The following TXNDC8 variants were observed in gnomAD, a reference collection of about 807,000 sequenced individuals.
The protein encoded by TXNDC8 is thioredoxin domain containing 8.
TXNDC8 carries 15 observed loss-of-function variants against 12.9 expected under a neutral mutation model. The observed-to-expected ratio is 1.16, with a 90% CI of 0.78 to 1.79. The LOEUF (loss-of-function observed/expected upper bound fraction) is 1.79. TXNDC8 is among the 40% of genes most tolerant of loss of function. The pLI is 0.00. For synonymous variants in TXNDC8, 40 were observed against 35.4 expected (o/e 1.13, Z -0.46); for missense variants, 128 against 113.2 (o/e 1.13, Z -0.59).
intron 1 of TXNDC8, among the ~76,000 whole-genome samples, chr9:110,336,488 C>A (rs1032507769): frequency 6.6e-6 from 1 of 152,220 alleles, no homozygotes; most frequent in African/African-American, 2.4e-5. Context: ...TGGGTGTGAG[C>A]TGGCCTAATT....
In TXNDC8 at chr9:110,326,222, G is replaced by A. The variant is rs757421109; in HGVS notation, c.148C>T (p.His50Tyr). ...TGAAATGTGGGTATTGTTTTGATGT[G>A]ACAAGTTTCAGCCAGCTCCTGGGAA... Residue 50 changes from histidine (H) to tyrosine (Y), a missense_variant, in exon 3 of 5, where the codon CAC (histidine) becomes TAC (tyrosine). Physicochemically the swap from His to Tyr is moderately conservative, Grantham distance 83. Transcript: ENST00000423740. 5.0e-6 allele frequency: 8 copies of A among 1,613,824 alleles called. No homozygotes were observed. The highest frequency in any genetic ancestry group is 6.8e-6 in the Non-Finnish European group (8 of 1,179,932).
chr9:110,337,432 C>T (rs1283314764), intron 1 of TXNDC8, among the ~76,000 whole-genome samples: 2 of 152,122 alleles, frequency 1.3e-5, no homozygotes, highest in South Asian at 2.1e-4. Context: ...TGTGGACTTC[C>T]TTACTTCCAT....
At chr9:110,305,594 C>A (rs1482353684) in intron 3 of TXNDC8, among the ~76,000 whole-genome samples, 1 of 130,296 alleles carries the variant, frequency 7.7e-6, no homozygotes, top group Admixed American at 7.6e-5. Context: ...TTCTTTCTTT[C>A]TTTCTTTCTT....
intron 3 of TXNDC8, chr9:110,323,898 C>G (rs1326341269): frequency 6.4e-7 from 1 of 1,550,742 alleles, no homozygotes. Context: ...AAGCAAAGTC[C>G]TGAAATTAGC....
At chr9:110,311,552 TA>T (rs2118737253) in intron 3 of TXNDC8, among the ~76,000 whole-genome samples, 1 of 129,448 alleles carries the variant, frequency 7.7e-6, no homozygotes, top group Non-Finnish European at 1.6e-5. Context: ...TATATATATA[TA>T]TATATCTCCA....
At chr9:110,312,636 G>T (rs111634852) in intron 3 of TXNDC8, among the ~76,000 whole-genome samples, 1 of 152,176 alleles carries the variant, frequency 6.6e-6, no homozygotes, top group Non-Finnish European at 1.5e-5. Context: ...TCTATGGAAC[G>T]AAGTTCCATC....
intron 2 of TXNDC8, 109 bp downstream of exon 2, chr9:110,334,107 T>C (rs1454965100): frequency 1.2e-6 from 1 of 804,992 alleles, no homozygotes; most frequent in African/African-American, 1.8e-5. Flanking sequence ...CAAAAATCTA[T>C]GGCTCCAGAA....
intron 1 of TXNDC8, among the ~76,000 whole-genome samples, chr9:110,334,824 A>G (rs1205686020): frequency 6.6e-6 from 1 of 152,174 alleles, no homozygotes; most frequent in Non-Finnish European, 1.5e-5. Flanking sequence ...GGGCCTAAAC[A>G]TGCATGACTA....
chr9:110,325,832 C>T (rs1266170208), intron 3 of TXNDC8, among the ~76,000 whole-genome samples: 1 of 152,112 alleles, frequency 6.6e-6, no homozygotes, highest in African/African-American at 2.4e-5. Flanking sequence ...AACTTGTATA[C>T]ATTTTTGTAA....
chr9:110,317,907 G>A (rs955965290), intron 3 of TXNDC8, among the ~76,000 whole-genome samples: 3 of 152,252 alleles, frequency 2.0e-5, no homozygotes, highest in African/African-American at 7.2e-5. Context: ...TGTTCCTTGT[G>A]TTGGTGATTG....
At chr9:110,305,071 C>T (rs1838380189) in intron 3 of TXNDC8, among the ~76,000 whole-genome samples, 1 of 146,414 alleles carries the variant, frequency 6.8e-6, no homozygotes, top group Non-Finnish European at 1.5e-5. Context: ...TCACTTGAAC[C>T]CAGGAGGTGG....
intron 1 of TXNDC8, among the ~76,000 whole-genome samples, 197 bp from the exon 2 acceptor site, chr9:110,334,517 T>A (rs1365657228): frequency 6.6e-6 from 1 of 152,168 alleles, no homozygotes; most frequent in East Asian, 1.9e-4. Context: ...GTGCTGGGAT[T>A]ACAGGTGTGA....
intron 3 of TXNDC8, among the ~76,000 whole-genome samples, chr9:110,315,487 C>T (rs966038159): frequency 2.0e-5 from 3 of 152,144 alleles, no homozygotes; most frequent in Non-Finnish European, 4.4e-5. Flanking sequence ...CTGGAGACAG[C>T]GGTCCCCTCC....
intron 1 of TXNDC8, among the ~76,000 whole-genome samples, chr9:110,334,583 A>G (rs1442381662): frequency 6.6e-6 from 1 of 152,156 alleles, no homozygotes; most frequent in Non-Finnish European, 1.5e-5. Flanking sequence ...GTACCATGCC[A>G]TTGTTCTCTA....
intron 3 of TXNDC8, among the ~76,000 whole-genome samples, chr9:110,318,602 A>G (rs1244652402): frequency 6.6e-6 from 1 of 152,176 alleles, no homozygotes; most frequent in Admixed American, 6.5e-5. Context: ...GCCAGGCATC[A>G]TGGCTGGCAC....
At chr9:110,307,799 C>G (rs1279834281) in intron 3 of TXNDC8, among the ~76,000 whole-genome samples, 1 of 152,172 alleles carries the variant, frequency 6.6e-6, no homozygotes, top group Non-Finnish European at 1.5e-5. Context: ...TTCAAGTTGT[C>G]CTGCCTTTCC....
chr9:110,303,601 A>G lies in TXNDC8; in HGVS notation c.*81T>C. ...TCAAAAATCTGTTCACAAATGCACA[A>G]AGGTGAAACATTTATTGATTCAAGT... is the stretch of plus-strand genomic sequence containing the variant. On this transcript the variant is annotated 3_prime_UTR_variant, in exon 5 of 5. Coordinates refer to ENST00000423740, the MANE Select transcript of TXNDC8 (RefSeq NM_001286946.2). The G allele has an allele frequency of 6.4e-7, 1 of 1,561,220 alleles. No homozygotes were observed. Among genetic ancestry groups the G allele is most frequent in the Non-Finnish European group, 8.7e-7 (1 of 1,149,208 alleles).
At chr9:110,306,212 C>T (rs141204634) in intron 3 of TXNDC8, among the ~76,000 whole-genome samples, 12 of 152,286 alleles carry the variant, frequency 7.9e-5, no homozygotes, top group Non-Finnish European at 1.8e-4. Context: ...GATGAGTGTT[C>T]TAGCTCTAGC....
At chr9:110,303,258 C>T (rs1316256210), downstream of TXNDC8, among the ~76,000 whole-genome samples, 1 of 152,184 alleles carries the variant, frequency 6.6e-6, no homozygotes, top group Non-Finnish European at 1.5e-5. Flanking sequence ...CAGGACCTCT[C>T]TTGTGAAGGT....
Sources: gnomAD v4.1 joint callset for allele counts (sites outside exome capture counted in the v4.1 genomes callset) on GRCh38, gnomAD v4.1.1 for gene constraint, MANE v1.5 for transcripts, NCBI Gene and HGNC (gene_info 2026-07-23, HGNC 2026-07-21) for gene names.